Variants in HPCAL1 observed in about 807,000 individuals in gnomAD.
HPCAL1 encodes the protein hippocalcin-like protein 1.
HPCAL1 carries 8 observed loss-of-function variants against 17.1 expected under a neutral mutation model. The observed-to-expected ratio is 0.47, with a 90% CI of 0.27 to 0.84. The LOEUF (loss-of-function observed/expected upper bound fraction) is 0.84, where lower values mean the gene tolerates loss of function less well. Among genes scored for constraint, HPCAL1 ranks in the 40% least tolerant of loss-of-function variants. HPCAL1 has a pLI of 0.13. For synonymous variants in HPCAL1, 112 were observed against 111.4 expected (o/e 1.01, Z -0.03); for missense variants, 165 against 271.1 (o/e 0.61, Z 2.75).
At chr2:10,334,703 T>TTTTTTTTTTTTTTTTTGG (rs1664607934) in intron 1 of HPCAL1, among the ~76,000 whole-genome samples, 5 of 151,370 alleles carry the variant, frequency 3.3e-5, no homozygotes, top group Non-Finnish European at 2.9e-5. Flanking sequence ...GACTTTTTTT[T>TTTTTTTTTTTTTTTTTGG]GAGGCAGGGT....
chr2:10,349,133 C>T (rs1034762405), intron 1 of HPCAL1, among the ~76,000 whole-genome samples: 3 of 152,124 alleles, frequency 2.0e-5, no homozygotes, highest in Non-Finnish European at 4.4e-5. Context: ...GGCAGTGCAG[C>T]GTTTCCAAAT....
At chr2:10,423,199 C>T in intron 4 of HPCAL1, 111 bp downstream of exon 4, 1 of 779,142 alleles carries the variant, frequency 1.3e-6, no homozygotes, top group South Asian at 1.5e-5. Context: ...GAGGGCCACC[C>T]CCGCCCGCCA....
At position 10,420,042 on chromosome 2, in the gene HPCAL1, C is replaced by T; in HGVS notation, c.285C>T (p.Gly95=). ...FIIALSVTSR[G]KLEQKLKWAF... ...TTGCGCTGAGCGTGACCTCGCGGGG[C>T]AAGCTGGAGCAGAAGCTCAAGTGGG... The change falls in exon 3 of 5, where the codon GGC becomes GGT. Residue 95 remains glycine, a synonymous_variant. Coordinates refer to ENST00000307845, the MANE Select transcript of HPCAL1 (RefSeq NM_002149.4). The T allele has an allele frequency of 6.2e-7, 1 of 1,613,876 alleles. No homozygotes were observed. Among genetic ancestry groups the T allele is most frequent in the Non-Finnish European group, 8.5e-7 (1 of 1,180,018 alleles).
intron 2 of HPCAL1, among the ~76,000 whole-genome samples, chr2:10,405,481 C>T (rs1489907446): frequency 6.6e-6 from 1 of 152,226 alleles, no homozygotes; most frequent in African/African-American, 2.4e-5. Context: ...CAGAGTTGGC[C>T]CCGTAGTCTC....
chr2:10,356,791 C>T (rs1309255464), intron 1 of HPCAL1, among the ~76,000 whole-genome samples: 3 of 152,158 alleles, frequency 2.0e-5, no homozygotes, highest in African/African-American at 7.2e-5. Context: ...GGCTTCCCCC[C>T]TCCCTCCAGG....
At chr2:10,347,386 G>A (rs1391282847) in intron 1 of HPCAL1, among the ~76,000 whole-genome samples, 1 of 152,190 alleles carries the variant, frequency 6.6e-6, no homozygotes, top group Non-Finnish European at 1.5e-5. Context: ...GGAATTTCCT[G>A]ATGGTATAAA....
chr2:10,309,615 T>C (rs1377633832), intron 1 of HPCAL1, among the ~76,000 whole-genome samples: 1 of 152,174 alleles, frequency 6.6e-6, no homozygotes, highest in Non-Finnish European at 1.5e-5. Flanking sequence ...ACCTACCTAG[T>C]CCACAACTGA....
chr2:10,402,653 G>A (rs1572829229), intron 2 of HPCAL1, among the ~76,000 whole-genome samples: 2 of 152,176 alleles, frequency 1.3e-5, no homozygotes, highest in Non-Finnish European at 2.9e-5. Flanking sequence ...ATGATTTATT[G>A]TTTTTATTGC....
chr2:10,388,622 T>C (rs146056930), intron 1 of HPCAL1, among the ~76,000 whole-genome samples: 2,710 of 152,348 alleles, frequency 0.018, 25 homozygotes, highest in Middle Eastern at 0.058. Context: ...TGCCTGGTAT[T>C]TTTGTAGCAC....
intron 1 of HPCAL1, among the ~76,000 whole-genome samples, chr2:10,352,009 TCTCATGC>T (rs1474175388): frequency 1.3e-5 from 2 of 151,360 alleles, no homozygotes; most frequent in African/African-American, 4.9e-5. Flanking sequence ...TTCAAGAGAT[TCTCATGC>T]CTCAACCTCC....
intron 1 of HPCAL1, among the ~76,000 whole-genome samples, chr2:10,372,604 T>A (rs7564029): frequency 0.64 from 97,675 of 152,010 alleles, 32,738 homozygotes; most frequent in African/African-American, 0.82. Flanking sequence ...TGAAGCCCCC[T>A]CACCCAGCTG....
chr2:10,321,143 T>G (rs1397454379), intron 1 of HPCAL1, among the ~76,000 whole-genome samples: 1 of 152,134 alleles, frequency 6.6e-6, no homozygotes, highest in Non-Finnish European at 1.5e-5. Context: ...GCTACAATCA[T>G]GGCGGAAGGT....
intron 1 of HPCAL1, among the ~76,000 whole-genome samples, chr2:10,324,812 T>TTG (rs1324630813): frequency 7.7e-6 from 1 of 129,098 alleles, no homozygotes; most frequent in Non-Finnish European, 1.6e-5. Context: ...TTGCTGGTTT[T>TTG]TGTGTTTTTT....
intron 1 of HPCAL1, among the ~76,000 whole-genome samples, chr2:10,318,523 G>T (rs1414729460): frequency 6.6e-6 from 1 of 152,234 alleles, no homozygotes; most frequent in Admixed American, 6.5e-5. Context: ...CCGCACGTGG[G>T]TGTGGTTAGA....
In HPCAL1 at chr2:10,323,014, C is replaced by T. The variant is rs536274848; in HGVS notation, c.-111+19837C>T. On this transcript the variant is annotated intron_variant, in intron 1 of 4. Coordinates refer to ENST00000307845, the MANE Select transcript of HPCAL1 (RefSeq NM_002149.4). The surrounding 1 kb of genome is among the most constrained non-coding windows in gnomAD (Gnocchi z 4.6). ...GACACACGCTGCCCCCTTCTGCTTTCCTGTCCCTCCATCGTGTTAAGCTGG... is the reference window on the plus strand; with the variant it reads ...GACACACGCTGCCCCCTTCTGCTTTTCTGTCCCTCCATCGTGTTAAGCTGG... Among the ~76,000 whole-genome samples the T allele has an allele frequency of 1.3e-5, 2 of 152,308 alleles. No individual in the cohort carries two copies. Among genetic ancestry groups the T allele is most frequent in the East Asian group, 3.9e-4 (2 of 5,184 alleles).
Position 10,354,592 on chromosome 2 carries a change from C to T in HPCAL1, c.-110-42243C>T, listed in dbSNP as rs1348476282. Among the ~76,000 whole-genome samples the T allele has an allele frequency of 2.0e-5, 3 of 152,224 alleles. No homozygotes were observed. Among genetic ancestry groups the T allele is most frequent in the Non-Finnish European group, 4.4e-5 (3 of 68,036 alleles). On this transcript the variant is annotated intron_variant, in intron 1 of 4. Coordinates refer to ENST00000307845, the MANE Select transcript of HPCAL1 (RefSeq NM_002149.4). This position sits in a 1 kb window ranked among gnomAD's most constrained non-coding sequence, Gnocchi z 5.1. Reference sequence around the variant, plus strand: ...CATCGCACAGCCATGGCCGAGGTGTCGGGACTCAAATTCCGGGCCCTTGGC... The same window carrying T: ...CATCGCACAGCCATGGCCGAGGTGTTGGGACTCAAATTCCGGGCCCTTGGC...
chr2:10,391,984 G>A (rs1234022768), intron 1 of HPCAL1, among the ~76,000 whole-genome samples: 1 of 152,000 alleles, frequency 6.6e-6, no homozygotes, highest in Non-Finnish European at 1.5e-5. Flanking sequence ...TCCTGACCTC[G>A]TGATCCACCC....
At chr2:10,370,864 C>G (rs1295520928) in intron 1 of HPCAL1, among the ~76,000 whole-genome samples, 1 of 152,208 alleles carries the variant, frequency 6.6e-6, no homozygotes, top group African/African-American at 2.4e-5. Flanking sequence ...CCTTCATCCC[C>G]GTGGGGCTCA....
At chr2:10,397,860 G>A (rs1558516036) in intron 2 of HPCAL1, among the ~76,000 whole-genome samples, 1 of 152,200 alleles carries the variant, frequency 6.6e-6, no homozygotes, top group Middle Eastern at 3.2e-3. Flanking sequence ...CCAGGTATGC[G>A]ATGCTGGAGA....
Sources: gnomAD v4.1 joint callset for allele counts (sites outside exome capture counted in the v4.1 genomes callset) on GRCh38, gnomAD v4.1.1 for gene constraint, Gnocchi (gnomAD v3.1) non-coding constraint, MANE v1.5 for transcripts, NCBI Gene and HGNC (gene_info 2026-07-23, HGNC 2026-07-21) for gene names.